Variants in PIP4P2 observed in about 807,000 individuals in gnomAD.
PIP4P2 encodes type 2 phosphatidylinositol 4,5-bisphosphate 4-phosphatase.
A neutral mutation model predicts 33.3 loss-of-function variants in PIP4P2; 19 were observed. The ratio of observed to expected loss-of-function variants is 0.57; its 90% CI spans 0.40 to 0.84. PIP4P2 has a LOEUF of 0.84. Among genes scored for constraint, PIP4P2 ranks in the 40% least tolerant of loss-of-function variants. The probability of loss-of-function intolerance (pLI) is 0.00; values close to 1 mark genes in which losing one functional copy is unlikely to be tolerated. For missense variants in PIP4P2, 270 were observed against 324.7 expected (o/e 0.83, Z 1.29); for synonymous variants, 110 against 111.9 (o/e 0.98, Z 0.11).
At chr8:91,032,429 T>C (rs888187882) in intron 1 of PIP4P2, among the ~76,000 whole-genome samples, 2 of 152,084 alleles carry the variant, frequency 1.3e-5, no homozygotes, top group East Asian at 3.8e-4. Context: ...ATGTATTCCT[T>C]TTCAGGAGCT....
At chr8:91,016,393 T>G (rs1387067718) in intron 4 of PIP4P2, among the ~76,000 whole-genome samples, 1 of 151,596 alleles carries the variant, frequency 6.6e-6, no homozygotes, top group Non-Finnish European at 1.5e-5. Context: ...CATAGACTCA[T>G]GAAATTTCAG....
At chr8:91,025,677 T>C (rs577041392) in intron 1 of PIP4P2, among the ~76,000 whole-genome samples, 84 of 152,300 alleles carry the variant, frequency 5.5e-4, no homozygotes, top group Middle Eastern at 3.4e-3. Flanking sequence ...CAGCTTAAAA[T>C]GAGAGATATT....
chr8:91,035,737 G>A (rs563807414), intron 1 of PIP4P2, among the ~76,000 whole-genome samples: 6 of 152,270 alleles, frequency 3.9e-5, no homozygotes, highest in African/African-American at 1.4e-4. Flanking sequence ...CTTAGAACTG[G>A]AGGTCGCTGG....
chr8:90,995,647 C>G lies in PIP4P2; in HGVS notation c.*30G>C. ...AGCTTACCAAGAACTGCTAGACACT[C>G]TCACCTGCATTACTGAATCATAAAC... On this transcript the variant is annotated 3_prime_UTR_variant, in exon 7 of 7. Transcript: ENST00000285419. The G allele has an allele frequency of 6.3e-7, 1 of 1,597,466 alleles. No individual in the cohort carries two copies. The highest frequency in any genetic ancestry group is 8.5e-7 in the Non-Finnish European group (1 of 1,174,406).
chr8:91,032,712 T>C (rs1199459220), intron 1 of PIP4P2, among the ~76,000 whole-genome samples: 2 of 142,384 alleles, frequency 1.4e-5, no homozygotes, highest in South Asian at 2.2e-4. Context: ...ACCTAGGAGG[T>C]AGGGGTTGCA....
intron 4 of PIP4P2, 99 bp downstream of exon 4, chr8:91,018,291 A>C: frequency 6.5e-7 from 1 of 1,539,674 alleles, no homozygotes; most frequent in Non-Finnish European, 8.8e-7. Flanking sequence ...ATTTTGATTA[A>C]TTTGCATTTG....
chr8:90,999,948 C>T lies in PIP4P2; in HGVS notation c.540-3204G>A, dbSNP rs553670978. ...CACCTTATTTTGGCTTTCTACTATT[C>T]CTGTATTTTCTGCTTTTCTACCTTT... On this transcript the variant is annotated intron_variant, in intron 5 of 6. Transcript: ENST00000285419. 3.3e-5 allele frequency among the ~76,000 whole-genome samples: 5 copies of T among 152,014 alleles called. No individual in the cohort carries two copies. In the South Asian group the frequency reaches 1.0e-3, roughly 31 times the overall value.
At chr8:91,025,214 A>G (rs1812067367) in intron 1 of PIP4P2, among the ~76,000 whole-genome samples, 1 of 152,108 alleles carries the variant, frequency 6.6e-6, no homozygotes, top group Non-Finnish European at 1.5e-5. Flanking sequence ...AATATATTTT[A>G]AAAAGAAGAA....
chr8:91,018,286 G>T, intron 4 of PIP4P2, 104 bp downstream of exon 4: 2 of 1,520,860 alleles, frequency 1.3e-6, no homozygotes, highest in African/African-American at 1.4e-5. Flanking sequence ...TTAATATTTT[G>T]ATTAATTTGC....
chr8:91,015,705 G>A (rs1218608209), intron 4 of PIP4P2, among the ~76,000 whole-genome samples: 1 of 152,158 alleles, frequency 6.6e-6, no homozygotes, highest in Non-Finnish European at 1.5e-5. Flanking sequence ...AAAAGAGACA[G>A]GGTCATTTAT....
chr8:91,005,017 T>C (rs1266923231), intron 5 of PIP4P2, among the ~76,000 whole-genome samples: 1 of 152,222 alleles, frequency 6.6e-6, no homozygotes, highest in Non-Finnish European at 1.5e-5. Context: ...CTCTCAGTTA[T>C]CTTGGTGAAG....
chr8:90,998,068 T>C (rs1383871209), intron 5 of PIP4P2, among the ~76,000 whole-genome samples: 3 of 152,026 alleles, frequency 2.0e-5, no homozygotes, highest in Admixed American at 6.6e-5. Flanking sequence ...TTATGTAACA[T>C]TTAGCCCTAG....
At chr8:91,011,249 A>C (rs1033022487) in intron 4 of PIP4P2, among the ~76,000 whole-genome samples, 1 of 152,046 alleles carries the variant, frequency 6.6e-6, no homozygotes, top group Non-Finnish European at 1.5e-5. Context: ...CACTTTTATT[A>C]AAGAACAACA....
At chr8:91,033,923 G>T (rs1463668858) in intron 1 of PIP4P2, among the ~76,000 whole-genome samples, 1 of 152,134 alleles carries the variant, frequency 6.6e-6, no homozygotes, top group Non-Finnish European at 1.5e-5. Context: ...GGGACTACAG[G>T]CATGAGCCGC....
chr8:90,995,647 C>A lies in PIP4P2; in HGVS notation c.*30G>T. On this transcript the variant is annotated 3_prime_UTR_variant, in exon 7 of 7. Coordinates refer to ENST00000285419, the MANE Select transcript of PIP4P2 (RefSeq NM_018710.3). ...AGCTTACCAAGAACTGCTAGACACT[C>A]TCACCTGCATTACTGAATCATAAAC... 6.3e-7 allele frequency: 1 copy of A among 1,597,466 alleles called. No homozygotes were observed. The highest frequency in any genetic ancestry group is 1.1e-5 in the South Asian group (1 of 87,600).
intron 4 of PIP4P2, among the ~76,000 whole-genome samples, chr8:91,013,950 T>G (rs940331559): frequency 1.3e-5 from 2 of 152,178 alleles, no homozygotes; most frequent in African/African-American, 2.4e-5. Flanking sequence ...AGGAGACATA[T>G]CCTACTAAAT....
intron 1 of PIP4P2, among the ~76,000 whole-genome samples, chr8:91,028,695 A>G (rs1466866958): frequency 1.3e-5 from 2 of 152,224 alleles, no homozygotes; most frequent in Non-Finnish European, 2.9e-5. Flanking sequence ...TACCAAAAGC[A>G]ACACCACATC....
chr8:90,996,409 T>C (rs1265097701), intron 6 of PIP4P2, among the ~76,000 whole-genome samples: 1 of 152,022 alleles, frequency 6.6e-6, no homozygotes, highest in Non-Finnish European at 1.5e-5. Context: ...AAATAGATGA[T>C]AAAATCCCCA....
At chr8:91,037,939 C>T (rs1426431949) in intron 1 of PIP4P2, among the ~76,000 whole-genome samples, 3 of 152,078 alleles carry the variant, frequency 2.0e-5, no homozygotes, top group Non-Finnish European at 4.4e-5. Flanking sequence ...TCAGATGAGC[C>T]TAAAACTCTC....
Sources: gnomAD v4.1 joint callset for allele counts (sites outside exome capture counted in the v4.1 genomes callset) on GRCh38, gnomAD v4.1.1 for gene constraint, MANE v1.5 for transcripts, NCBI Gene and HGNC (gene_info 2026-07-23, HGNC 2026-07-21) for gene names.